Variants in SPSB4 observed in about 807,000 individuals in gnomAD.
The protein encoded by SPSB4 is splA/ryanodine receptor domain and SOCS box containing 4, also known as SPRY domain-containing SOCS box protein 4.
SPSB4 carries 21 observed loss-of-function variants against 20.9 expected under a neutral mutation model. The observed-to-expected ratio is 1.01, with a 90% CI of 0.71 to 1.45. SPSB4 has a LOEUF of 1.45. SPSB4 is among the 40% of genes most tolerant of loss of function. The pLI is 0.00. For missense variants in SPSB4, 399 were observed against 399.2 expected (o/e 1.00, Z 0.00); for synonymous variants, 207 against 183.8 (o/e 1.13, Z -1.02).
chr3:141,066,201 C>A lies in SPSB4; in HGVS notation c.97C>A (p.Arg33=). Residue 33 remains arginine, a synonymous_variant, in exon 2 of 3, where the codon CGG becomes AGG. Transcript: ENST00000310546. ...KRELRGAEPG[R]PARLDQLLDM... Reference sequence around the variant, plus strand: ...GGAGCTGCGGGGTGCAGAGCCCGGGCGGCCGGCGCGGCTGGACCAGCTGTT... The same window carrying A: ...GGAGCTGCGGGGTGCAGAGCCCGGGAGGCCGGCGCGGCTGGACCAGCTGTT... 1 of 1,529,386 alleles carries A rather than the reference C, an allele frequency of 6.5e-7. No individual in the cohort carries two copies. The highest frequency in any genetic ancestry group is 1.2e-5 in the South Asian group (1 of 82,196). The allele number at this position is 1,529,386 out of a possible 1,614,324, so 94.7% of individuals were successfully genotyped here.
chr3:141,114,294 AGT>A (rs544211805), intron 2 of SPSB4, among the ~76,000 whole-genome samples: 155 of 152,236 alleles, frequency 1.0e-3, no homozygotes, highest in African/African-American at 3.6e-3. Context: ...ACCCCAGGAA[AGT>A]GTGCTCTCCT....
At chr3:141,100,427 G>C (rs1398133754) in intron 2 of SPSB4, among the ~76,000 whole-genome samples, 1 of 152,188 alleles carries the variant, frequency 6.6e-6, no homozygotes, top group Non-Finnish European at 1.5e-5. Flanking sequence ...AGACCAGGGA[G>C]ATACATCTAT....
intron 1 of SPSB4, among the ~76,000 whole-genome samples, chr3:141,059,358 G>C (rs1017667357): frequency 6.6e-6 from 1 of 152,138 alleles, no homozygotes; most frequent in Non-Finnish European, 1.5e-5. Context: ...AGTTTAGTTG[G>C]CTCACGGTTC....
intron 2 of SPSB4, 93 bp downstream of exon 2, chr3:141,066,891 A>G (rs1251383537): frequency 3.1e-6 from 4 of 1,287,870 alleles, no homozygotes; most frequent in Non-Finnish European, 4.1e-6. Context: ...ACTTGGGAGG[A>G]TCCTGCAATG....
chr3:141,079,298 C>T (rs772087450), intron 2 of SPSB4, among the ~76,000 whole-genome samples: 19 of 151,810 alleles, frequency 1.3e-4, no homozygotes, highest in Non-Finnish European at 2.6e-4. Flanking sequence ...ATTTGGTTGG[C>T]AGCAGAGGCC....
chr3:141,120,303 T>A (rs944472592), intron 2 of SPSB4, among the ~76,000 whole-genome samples: 1 of 152,222 alleles, frequency 6.6e-6, no homozygotes, highest in Admixed American at 6.5e-5. Flanking sequence ...ATTTCTGTTC[T>A]TTTGCATTTG....
chr3:141,133,784 A>G (rs908755963), intron 2 of SPSB4, among the ~76,000 whole-genome samples: 2 of 152,110 alleles, frequency 1.3e-5, no homozygotes, highest in Admixed American at 1.3e-4. Context: ...TTTCAGTTTC[A>G]TATGAATTTT....
At chr3:141,142,847 C>T (rs1282293682) in intron 2 of SPSB4, among the ~76,000 whole-genome samples, 25 of 109,726 alleles carry the variant, frequency 2.3e-4, no homozygotes, top group African/African-American at 7.2e-4. Flanking sequence ...GACAGAGTCT[C>T]GCTCTGTCAC....
chr3:141,126,419 G>C (rs1415253103), intron 2 of SPSB4, among the ~76,000 whole-genome samples: 1 of 152,090 alleles, frequency 6.6e-6, no homozygotes, highest in African/African-American at 2.4e-5. Flanking sequence ...AATGGAAGCT[G>C]ACCCCAAGTC....
chr3:141,055,849 A>G (rs1937628056), intron 1 of SPSB4, among the ~76,000 whole-genome samples: 1 of 152,208 alleles, frequency 6.6e-6, no homozygotes, highest in South Asian at 2.1e-4. Context: ...GAAAGAGGTC[A>G]GCTGGCCTTA....
At chr3:141,092,797 C>T (rs72981978) in intron 2 of SPSB4, among the ~76,000 whole-genome samples, 14,134 of 152,282 alleles carry the variant, frequency 0.093, 719 homozygotes, top group Middle Eastern at 0.14. Context: ...TGGCAGTGCA[C>T]GCTCACTGTC....
At chr3:141,060,575 A>G (rs1403421692) in intron 1 of SPSB4, among the ~76,000 whole-genome samples, 1 of 152,232 alleles carries the variant, frequency 6.6e-6, no homozygotes, top group Admixed American at 6.5e-5. Context: ...TGTATGCAGT[A>G]TGTATGCATG....
intron 2 of SPSB4, among the ~76,000 whole-genome samples, chr3:141,081,619 T>TG (rs978914035): frequency 1.0e-4 from 12 of 116,718 alleles, no homozygotes; most frequent in African/African-American, 3.7e-4. Flanking sequence ...GAGGAGGGCC[T>TG]GGGGGACAGC....
Position 141,066,158 on chromosome 3 carries a change from G to A in SPSB4, c.54G>A (p.Ala18=), listed in dbSNP as rs1036361651. The A allele has an allele frequency of 2.6e-6, 4 of 1,531,914 alleles. No individual in the cohort carries two copies. Among genetic ancestry groups the A allele is most frequent in the African/African-American group, 2.8e-5 (2 of 70,606 alleles). 94.9% of individuals were successfully genotyped at this position (1,531,914 alleles called of 1,614,324 possible). ...SLKSVEVREP[A]LRPAKRELRG... ...AGTCAGTGGAGGTGCGAGAGCCGGCGCTGCGGCCGGCCAAGCGGGAGCTGC... is the reference window on the plus strand; with the variant it reads ...AGTCAGTGGAGGTGCGAGAGCCGGCACTGCGGCCGGCCAAGCGGGAGCTGC... The change falls in exon 2 of 3, where the codon GCG becomes GCA. Residue 18 remains alanine, a synonymous_variant. Coordinates refer to ENST00000310546, the MANE Select transcript of SPSB4 (RefSeq NM_080862.3).
Position 141,106,968 on chromosome 3 carries a change from T to A in SPSB4, c.694+40170T>A, listed in dbSNP as rs138154066. On this transcript the variant is annotated intron_variant, in intron 2 of 2. Transcript: ENST00000310546. ...CAAATGACTTCAAGGAGGCCCTGGGTCCACCTGTTGCTCCTTCTTATTGCA... is the reference window on the plus strand; with the variant it reads ...CAAATGACTTCAAGGAGGCCCTGGGACCACCTGTTGCTCCTTCTTATTGCA... 9.7e-3 allele frequency among the ~76,000 whole-genome samples: 1,481 copies of A among 152,328 alleles called. 28 individuals are homozygous for A. Among genetic ancestry groups the A allele is most frequent in the African/African-American group, 0.034 (1,422 of 41,560 alleles).
chr3:141,088,669 C>T (rs941234929), intron 2 of SPSB4, among the ~76,000 whole-genome samples: 2 of 152,216 alleles, frequency 1.3e-5, no homozygotes, highest in Non-Finnish European at 2.9e-5. Flanking sequence ...AGCTCCCCAG[C>T]CTCCAGGGAG....
At chr3:141,084,369 G>A (rs545077969) in intron 2 of SPSB4, among the ~76,000 whole-genome samples, 1 of 152,164 alleles carries the variant, frequency 6.6e-6, no homozygotes, top group Admixed American at 6.5e-5. Flanking sequence ...ATGCCGCCTG[G>A]GTGGCTGCAC....
rs550205660 is a variant in SPSB4, at chr3:141,076,958, G to A, written c.694+10160G>A. 4 of 152,354 alleles carry A rather than the reference G, an allele frequency of 2.6e-5. No homozygotes were observed. In the South Asian group the frequency reaches 8.3e-4, roughly 32 times the overall value. 9.4% of individuals were successfully genotyped at this position (152,354 alleles called of 1,614,324 possible). A position where few individuals can be genotyped will look rare whatever the true frequency, so the allele number is the denominator to read the frequency against. On this transcript the variant is annotated intron_variant, in intron 2 of 2. Coordinates refer to ENST00000310546, the MANE Select transcript of SPSB4 (RefSeq NM_080862.3). ...GAATAGAGGAAGCAAATTTGCCGGG[G>A]CGGGGGATGGGGTTTAAGTGAGCGG...
At chr3:141,142,855 C>T (rs572241400) in intron 2 of SPSB4, among the ~76,000 whole-genome samples, 8 of 115,532 alleles carry the variant, frequency 6.9e-5, no homozygotes, top group South Asian at 3.3e-4. Flanking sequence ...CTCGCTCTGT[C>T]ACCCAGCCTG....
Sources: allele counts gnomAD v4.1 joint callset (sites outside exome capture counted in the v4.1 genomes callset), GRCh38; gene constraint gnomAD v4.1.1; transcripts MANE v1.5; gene names NCBI Gene and HGNC (gene_info 2026-07-23, HGNC 2026-07-21).